Variants in WDR25 observed in about 807,000 individuals in gnomAD.
The protein encoded by WDR25 is WD repeat-containing protein 25.
A neutral mutation model predicts 47.7 loss-of-function variants in WDR25; 35 were observed. The ratio of observed to expected loss-of-function variants is 0.73; its 90% CI spans 0.56 to 0.97. The LOEUF (loss-of-function observed/expected upper bound fraction) is 0.97. WDR25 is among the 50% of genes least tolerant of loss of function. The probability of loss-of-function intolerance (pLI) is 0.00; values close to 1 mark genes in which losing one functional copy is unlikely to be tolerated. For synonymous variants in WDR25, 248 were observed against 278.9 expected, an observed-to-expected ratio of 0.89 and a Z score of 1.10; for missense variants, 634 against 704.7, an observed-to-expected ratio of 0.90 and a Z score of 1.14.
chr14:100,516,165 A>G (rs371546671), intron 4 of WDR25, among the ~76,000 whole-genome samples: 3 of 151,686 alleles, frequency 2.0e-5, no homozygotes, highest in East Asian at 1.9e-4. Context: ...TAACGGTTTG[A>G]TTTTTCAGAG....
intron 2 of WDR25, 143 bp downstream of exon 2, chr14:100,381,889 G>A: frequency 1.4e-6 from 1 of 710,194 alleles, no homozygotes; most frequent in Non-Finnish European, 2.3e-6. Context: ...TCCAGAAAGG[G>A]TCATCTGTGG....
intron 2 of WDR25, among the ~76,000 whole-genome samples, chr14:100,451,284 C>T (rs960821648): frequency 6.6e-6 from 1 of 150,458 alleles, no homozygotes; most frequent in Non-Finnish European, 1.5e-5. Flanking sequence ...CTTTGTCACC[C>T]AGGCTGGAGT....
chr14:100,402,445 C>T (rs946827710), intron 2 of WDR25, among the ~76,000 whole-genome samples: 2 of 151,950 alleles, frequency 1.3e-5, no homozygotes, highest in Non-Finnish European at 2.9e-5. Flanking sequence ...GTGACTCGTT[C>T]TTTTGCAAGG....
At position 100,440,222 on chromosome 14, in the gene WDR25, G is replaced by A. The variant is rs1283826197; in HGVS notation, c.823-27799G>A. Among the ~76,000 whole-genome samples the A allele has an allele frequency of 6.6e-6, 1 of 152,222 alleles. No homozygotes were observed. The highest frequency in any genetic ancestry group is 1.5e-5 in the Non-Finnish European group (1 of 68,024). On this transcript the variant is annotated intron_variant, in intron 2 of 6. Coordinates refer to ENST00000402312, the MANE Select transcript of WDR25 (RefSeq NM_001161476.3). This position sits in a 1 kb window ranked among gnomAD's most constrained non-coding sequence, Gnocchi z 4.4. ...TGACTCCATTCCTCTCTTTATGTGTGTCAGTCATAGCAGGGGAGTGTTTTC... is the reference window on the plus strand; with the variant it reads ...TGACTCCATTCCTCTCTTTATGTGTATCAGTCATAGCAGGGGAGTGTTTTC...
At chr14:100,431,744 C>G (rs1898344338) in intron 2 of WDR25, among the ~76,000 whole-genome samples, 1 of 150,166 alleles carries the variant, frequency 6.7e-6, no homozygotes, top group Non-Finnish European at 1.5e-5. Context: ...GAGTCTTGCT[C>G]TGTTGCCCAG....
intron 2 of WDR25, among the ~76,000 whole-genome samples, chr14:100,447,716 T>C (rs971070843): frequency 5.3e-5 from 8 of 152,196 alleles, no homozygotes; most frequent in African/African-American, 1.9e-4. Context: ...AAAAACCATT[T>C]GCGAGATTGA....
At position 100,430,151 on chromosome 14, in the gene WDR25, G is replaced by GGTGTGTGTGTGT. The variant is rs59318813; in HGVS notation, c.823-37847_823-37836dup. Among the ~76,000 whole-genome samples, 60 of 146,892 alleles carry GGTGTGTGTGTGT rather than the reference G, an allele frequency of 4.1e-4. 1 individual carries two copies. The highest frequency in any genetic ancestry group is 1.3e-3 in the African/African-American group (52 of 39,900). ...CAAATCTTGCAGACCAAGGGGGCCT[G>GGTGTGTGTGTGT]GTGTGTGTGTGTGTGTGTGTGTGTG... On this transcript the variant is annotated intron_variant, in intron 2 of 6. Coordinates refer to ENST00000402312, the MANE Select transcript of WDR25 (RefSeq NM_001161476.3). The surrounding 1 kb of genome is among the most constrained non-coding windows in gnomAD (Gnocchi z 4.7).
At chr14:100,401,063 T>A (rs1436324116) in intron 2 of WDR25, among the ~76,000 whole-genome samples, 1 of 152,252 alleles carries the variant, frequency 6.6e-6, no homozygotes, top group Non-Finnish European at 1.5e-5. Context: ...AATAAGCGTG[T>A]TTAATTATTC....
intron 2 of WDR25, among the ~76,000 whole-genome samples, chr14:100,465,166 TTG>T (rs138761463): frequency 1.3e-5 from 2 of 151,898 alleles, no homozygotes; most frequent in African/African-American, 4.8e-5. Context: ...TTTTTTTTCT[TTG>T]TGTGTGTGTG....
At chr14:100,413,572 C>T (rs1002538317) in intron 2 of WDR25, among the ~76,000 whole-genome samples, 14 of 152,236 alleles carry the variant, frequency 9.2e-5, no homozygotes, top group Admixed American at 3.9e-4. Context: ...CACCACCACG[C>T]CCGGCTAATT....
intron 2 of WDR25, among the ~76,000 whole-genome samples, chr14:100,432,605 T>A (rs1399190449): frequency 6.6e-6 from 1 of 152,256 alleles, no homozygotes; most frequent in East Asian, 1.9e-4. Flanking sequence ...TCCACATATA[T>A]AAGCATGCAT....
chr14:100,472,079 T>G (rs1047091832), intron 3 of WDR25, among the ~76,000 whole-genome samples: 1 of 152,206 alleles, frequency 6.6e-6, no homozygotes, highest in Admixed American at 6.5e-5. Context: ...CCTGTCATGT[T>G]TCTTGCAGAC....
At position 100,530,080 on chromosome 14, in the gene WDR25, C is replaced by A; in HGVS notation, c.*39C>A. 6.3e-7 allele frequency: 1 copy of A among 1,575,512 alleles called. No individual in the cohort carries two copies. The highest frequency in any genetic ancestry group is 8.6e-7 in the Non-Finnish European group (1 of 1,156,816). On this transcript the variant is annotated 3_prime_UTR_variant, in exon 7 of 7. Transcript: ENST00000402312. ...GAACCTTCCCGATGCCAGCTGGGCT[C>A]TTGGACTCCCCTCTTCCTCAAGGGT...
intron 2 of WDR25, among the ~76,000 whole-genome samples, chr14:100,461,872 A>T (rs894867668): frequency 2.0e-5 from 3 of 150,460 alleles, no homozygotes; most frequent in African/African-American, 7.4e-5. Flanking sequence ...TGATGGGGTT[A>T]TGGATGACTC....
intron 1 of WDR25, among the ~76,000 whole-genome samples, chr14:100,377,766 T>G (rs141200839): frequency 8.1e-4 from 123 of 152,138 alleles, no homozygotes; most frequent in African/African-American, 2.8e-3. Context: ...ATGATGCCAC[T>G]TGGGGGAAAG....
chr14:100,442,645 G>T (rs1898705107), intron 2 of WDR25, among the ~76,000 whole-genome samples: 1 of 152,148 alleles, frequency 6.6e-6, no homozygotes, highest in African/African-American at 2.4e-5. Flanking sequence ...GCAGGATGTT[G>T]CAGGGGCAGT....
chr14:100,497,380 C>T (rs1423756661), intron 4 of WDR25, among the ~76,000 whole-genome samples: 1 of 152,126 alleles, frequency 6.6e-6, no homozygotes, highest in East Asian at 1.9e-4. Context: ...AGTTCTGTGA[C>T]TTTTTTTGCT....
chr14:100,514,080 C>T lies in WDR25; in HGVS notation c.1102-11790C>T, dbSNP rs1015098597. 1.1e-3 allele frequency among the ~76,000 whole-genome samples: 162 copies of T among 151,890 alleles called. 1 individual carries two copies. The highest frequency in any genetic ancestry group is 3.7e-3 in the African/African-American group (152 of 41,442). The stretch of plus-strand genomic sequence containing the variant: ...CCTCCCAAGTAGCTGGGACTACAGG[C>T]GCCCGCCACCACGCCCGGCTAATTT... On this transcript the variant is annotated intron_variant, in intron 4 of 6. Coordinates refer to ENST00000402312, the MANE Select transcript of WDR25 (RefSeq NM_001161476.3).
chr14:100,516,948 G>C (rs1198581234), intron 4 of WDR25, among the ~76,000 whole-genome samples: 1 of 148,760 alleles, frequency 6.7e-6, no homozygotes, highest in African/African-American at 2.5e-5. Flanking sequence ...TTTTTTTAAA[G>C]GAGATGGGAT....
Sources: allele counts gnomAD v4.1 joint callset (sites outside exome capture counted in the v4.1 genomes callset), GRCh38; gene constraint gnomAD v4.1.1; non-coding constraint Gnocchi (gnomAD v3.1); transcripts MANE v1.5; gene names NCBI Gene and HGNC (gene_info 2026-07-23, HGNC 2026-07-21).